SLC25A26: variants seen among roughly 807,000 people sequenced by gnomAD.
SLC25A26 encodes the protein solute carrier family 25 member 26, also known as mitochondrial S-adenosylmethionine carrier protein.
Under a neutral mutation model 37.8 loss-of-function variants are expected in SLC25A26, and 36 were observed. That is an observed-to-expected ratio of 0.95 (90% CI 0.73 to 1.26). SLC25A26 has a LOEUF of 1.26. SLC25A26 is among the 50% of genes most tolerant of loss of function. SLC25A26 has a pLI of 0.00. For synonymous variants in SLC25A26, 129 were observed against 122.5 expected, an observed-to-expected ratio of 1.05 and a Z score of -0.35; for missense variants, 390 against 331.1, an observed-to-expected ratio of 1.18 and a Z score of -1.38.
At chr3:66,163,421 G>A (rs1199932289) in intron 1 of SLC25A26, among the ~76,000 whole-genome samples, 2 of 151,932 alleles carry the variant, frequency 1.3e-5, no homozygotes, top group African/African-American at 4.8e-5. Context: ...TTTTTCCCCG[G>A]TCCTTTGTCA....
intron 3 of SLC25A26, among the ~76,000 whole-genome samples, chr3:66,244,448 A>AT (rs782623007): frequency 1.4e-4 from 22 of 152,360 alleles, no homozygotes; most frequent in Non-Finnish European, 2.4e-4. Context: ...GATTTGAACA[A>AT]CACAATGACA....
At chr3:66,239,822 T>C (rs1297049504) in intron 2 of SLC25A26, among the ~76,000 whole-genome samples, 7 of 133,086 alleles carry the variant, frequency 5.3e-5, no homozygotes, top group East Asian at 2.0e-4. Flanking sequence ...CTTTCTTTTT[T>C]TTTTTTTTTT....
chr3:66,219,281 CT>C (rs1218825477), upstream of SLC25A26, among the ~76,000 whole-genome samples: 1 of 152,158 alleles, frequency 6.6e-6, no homozygotes, highest in African/African-American at 2.4e-5. Context: ...TTCCTGGCCC[CT>C]AATGTGTTTT....
chr3:66,199,772 C>T (rs2071086615), intron 1 of SLC25A26, among the ~76,000 whole-genome samples: 2 of 152,060 alleles, frequency 1.3e-5, no homozygotes, highest in African/African-American at 4.8e-5. Context: ...GACCCTTTCC[C>T]TGACCCTCAT....
chr3:66,350,692 C>G (rs910619498), intron 6 of SLC25A26, among the ~76,000 whole-genome samples: 9 of 134,938 alleles, frequency 6.7e-5, no homozygotes, highest in African/African-American at 2.3e-4. Context: ...GCCCTATACT[C>G]TGTGTGTGTG....
At chr3:66,213,717 G>A (rs2071319535) in intron 1 of SLC25A26, among the ~76,000 whole-genome samples, 1 of 152,056 alleles carries the variant, frequency 6.6e-6, no homozygotes. Flanking sequence ...ATAATAACAT[G>A]TGTCCACCCT....
At chr3:66,136,720 G>C (rs1221215677) in intron 1 of SLC25A26, among the ~76,000 whole-genome samples, 1 of 152,172 alleles carries the variant, frequency 6.6e-6, no homozygotes, top group African/African-American at 2.4e-5. Context: ...TCTTGGCTTT[G>C]CATCAAGTAG....
chr3:66,371,984 A>T (rs914302649), intron 9 of SLC25A26, among the ~76,000 whole-genome samples: 2 of 152,214 alleles, frequency 1.3e-5, no homozygotes, highest in Admixed American at 1.3e-4. Context: ...CTGTAGTCGC[A>T]GCTACTCAGG....
intron 5 of SLC25A26, among the ~76,000 whole-genome samples, chr3:66,269,038 C>T (rs13097619): frequency 0.26 from 39,957 of 152,106 alleles, 5,563 homozygotes; most frequent in Admixed American, 0.31. Context: ...ATAAAACACC[C>T]AAGTGTGGAA....
rs754881481 is a variant in SLC25A26 at position 66,349,709 on chromosome 3, CAG to C, written c.498+3304_498+3305del. ...ATGTAGGTTTTTACTTCTCTAGGGT[CAG>C]AGGCCAGGAGTAGCATCCCTGGGTC... On this transcript the variant is annotated intron_variant, in intron 6 of 9. Transcript: ENST00000354883. Among the ~76,000 whole-genome samples, 140 of 152,212 alleles carry C rather than the reference CAG, an allele frequency of 9.2e-4. 1 individual carries two copies. The highest frequency in any genetic ancestry group is 1.7e-3 in the Non-Finnish European group (116 of 68,020).
chr3:66,150,614 A>G (rs1335033030), intron 1 of SLC25A26, among the ~76,000 whole-genome samples: 3 of 33,902 alleles, frequency 8.8e-5, no homozygotes, highest in African/African-American at 4.8e-4. Flanking sequence ...ATATATATAT[A>G]TATATATATA....
chr3:66,278,149 C>A (rs1347774103), intron 5 of SLC25A26, among the ~76,000 whole-genome samples: 1 of 152,004 alleles, frequency 6.6e-6, no homozygotes, highest in African/African-American at 2.4e-5. Flanking sequence ...ATTAGAGAAG[C>A]CAGCATATAT....
intron 5 of SLC25A26, among the ~76,000 whole-genome samples, chr3:66,303,335 C>G (rs556649467): frequency 3.5e-4 from 53 of 152,314 alleles, no homozygotes; most frequent in Non-Finnish European, 5.6e-4. Context: ...GGAAAGACTT[C>G]TGGGAACAGC....
At chr3:66,277,756 A>G (rs74374638) in intron 5 of SLC25A26, among the ~76,000 whole-genome samples, 8,531 of 152,232 alleles carry the variant, frequency 0.056, 316 homozygotes, top group Middle Eastern at 0.082. Context: ...GATCAAGATT[A>G]GCATCACCAG....
chr3:66,216,269 T>A (rs1254165366), upstream of SLC25A26, among the ~76,000 whole-genome samples: 7 of 152,152 alleles, frequency 4.6e-5, no homozygotes, highest in African/African-American at 1.7e-4. Context: ...CCACTTATAA[T>A]TCTAGGCTGA....
chr3:66,315,389 C>T (rs1066937), intron 5 of SLC25A26, among the ~76,000 whole-genome samples: 10,570 of 152,134 alleles, frequency 0.069, 472 homozygotes, highest in African/African-American at 0.13. Flanking sequence ...AGCCAGTAGT[C>T]TCAGAAGCAG....
intron 5 of SLC25A26, among the ~76,000 whole-genome samples, chr3:66,264,265 A>T (rs2073655466): frequency 6.6e-6 from 1 of 150,992 alleles, no homozygotes; most frequent in Non-Finnish European, 1.5e-5. Flanking sequence ...GGGCAACAAG[A>T]GCGACTCTGT....
chr3:66,228,017 A>G (rs1346958532), intron 1 of SLC25A26, among the ~76,000 whole-genome samples: 5 of 152,184 alleles, frequency 3.3e-5, no homozygotes, highest in African/African-American at 4.8e-5. Flanking sequence ...AAAAATTGAG[A>G]ATTATGCTTC....
At position 66,206,314 on chromosome 3, in the gene SLC25A26, A is replaced by G. The variant is rs1022426161; in HGVS notation, c.-353-14428A>G. Among the ~76,000 whole-genome samples, 29 of 152,306 alleles carry G rather than the reference A, an allele frequency of 1.9e-4. No homozygotes were observed. The East Asian group carries it at 3.1e-3, about 16-fold the overall frequency. On this transcript the variant is annotated intron_variant, in intron 1 of 10. Transcript: ENST00000676754. ...CTTTCTCTACCTCGAGGCAGGGTCCATTTTGGAACCAACAAACTTCATACT... is the reference window on the plus strand; with the variant it reads ...CTTTCTCTACCTCGAGGCAGGGTCCGTTTTGGAACCAACAAACTTCATACT...
Sources: allele counts gnomAD v4.1 joint callset (sites outside exome capture counted in the v4.1 genomes callset), GRCh38; gene constraint gnomAD v4.1.1; transcripts MANE v1.5; gene names NCBI Gene and HGNC (gene_info 2026-07-23, HGNC 2026-07-21).